The following SLC12A8 variants were observed in gnomAD, a reference collection of about 807,000 sequenced individuals.
SLC12A8 encodes cation-chloride cotransporter 9.
In SLC12A8, 69 loss-of-function variants were observed where a neutral mutation model predicts 75.6. The ratio of observed to expected loss-of-function variants is 0.91; its 90% CI spans 0.75 to 1.11. The LOEUF (loss-of-function observed/expected upper bound fraction) is 1.11, where lower values mean the gene tolerates loss of function less well. SLC12A8 is among the 50% of genes most tolerant of loss of function. The pLI, the probability that SLC12A8 is intolerant of heterozygous loss-of-function variation, is 0.00. For synonymous variants in SLC12A8, 365 were observed against 372.8 expected (o/e 0.98, Z 0.24); for missense variants, 877 against 896.7 (o/e 0.98, Z 0.28).
intron 5 of SLC12A8, among the ~76,000 whole-genome samples, chr3:125,155,621 A>ATTAGCCAGGTGTG (rs578023995): frequency 8.3e-6 from 1 of 120,710 alleles, no homozygotes; most frequent in South Asian, 3.1e-4. Context: ...AATACAAAAA[A>ATTAGCCAGGTGTG]GTAGCTGTAG....
At chr3:125,142,266 A>C (rs1933668551) in intron 5 of SLC12A8, among the ~76,000 whole-genome samples, 1 of 152,200 alleles carries the variant, frequency 6.6e-6, no homozygotes. Flanking sequence ...CCTCGCCCGG[A>C]CACTCACTCA....
In SLC12A8 at chr3:125,091,946, G is replaced by A. The variant is rs2981527; in HGVS notation, c.1803+155C>T. On this transcript the variant is annotated intron_variant, in intron 11 of 13. Transcript: ENST00000469902. ...ATAAGCAGTCATTAAATGTAATCTT[G>A]CCATATGTAGTCTCATCTAAATTCT... Among the ~76,000 whole-genome samples, 11,118 of 152,142 alleles carry A rather than the reference G, an allele frequency of 0.073. 542 individuals carry two copies. The highest frequency in any genetic ancestry group is 0.12 in the South Asian group (574 of 4,808).
intron 2 of SLC12A8, among the ~76,000 whole-genome samples, chr3:125,203,132 C>T (rs541558191): frequency 7.0e-6 from 1 of 142,688 alleles, no homozygotes; most frequent in Admixed American, 7.0e-5. Context: ...AGAAGAATTA[C>T]TATTGTTAAA....
At chr3:125,097,528 TTGTGTGTGTGTGTGTGTGTG>T (rs147038912) in intron 10 of SLC12A8, among the ~76,000 whole-genome samples, 50,551 of 139,414 alleles carry the variant, frequency 0.36, 9,399 homozygotes, top group Non-Finnish European at 0.43. Flanking sequence ...CTAAAGGGAA[TTGTGTGTGTGTGTGTGTGTG>T]TGTGTGTGTG....
intron 3 of SLC12A8, among the ~76,000 whole-genome samples, chr3:125,189,772 C>T (rs1215725249): frequency 6.6e-6 from 1 of 152,136 alleles, no homozygotes; most frequent in Non-Finnish European, 1.5e-5. Context: ...ACTGAGAACC[C>T]CTGCCCCAGG....
intron 6 of SLC12A8, among the ~76,000 whole-genome samples, chr3:125,128,243 G>T (rs1335730092): frequency 2.4e-5 from 3 of 126,948 alleles, no homozygotes; most frequent in East Asian, 4.8e-4. Context: ...TGCAGTGGCG[G>T]GATCTCGGCT....
chr3:125,091,269 G>T (rs1292192207), intron 12 of SLC12A8, among the ~76,000 whole-genome samples, 170 bp downstream of exon 12: 1 of 151,904 alleles, frequency 6.6e-6, no homozygotes, highest in African/African-American at 2.4e-5. Context: ...ATTTTTATTG[G>T]TAATCATTCA....
rs1265375686 is a variant in SLC12A8 at position 125,118,661 on chromosome 3, A to G, written c.912+108T>C. The stretch of plus-strand genomic sequence containing the variant: ...AAATTAATTAAATTTTAAAAAGACT[A>G]TATGGATTCCCAGACAGTACTGCAA... On this transcript the variant is annotated intron_variant, in intron 8 of 13. Transcript: ENST00000469902. 17 of 719,860 alleles carry G rather than the reference A, an allele frequency of 2.4e-5. No individual in the cohort carries two copies. In the Admixed American group the frequency reaches 3.5e-4, roughly 15 times the overall value. The allele number at this position is 719,860 out of a possible 1,614,324, so 44.6% of individuals were successfully genotyped here.
At position 125,088,297 on chromosome 3, in the gene SLC12A8, A is replaced by C. The variant is rs373777993; in HGVS notation, c.1982+13T>G. 3.1e-6 allele frequency: 5 copies of C among 1,613,864 alleles called. No homozygotes were observed. In the African/African-American group the frequency reaches 6.7e-5, roughly 22 times the overall value. ...CTCATCCATTCTGGTACTGGCTCCAAATTGGCACAGACCTGCAGGAGGGGA... is the reference window on the plus strand; with the variant it reads ...CTCATCCATTCTGGTACTGGCTCCACATTGGCACAGACCTGCAGGAGGGGA... On this transcript the variant is annotated intron_variant, in intron 13 of 13. Transcript: ENST00000469902.
At chr3:125,129,053 T>C (rs1374804479) in intron 6 of SLC12A8, among the ~76,000 whole-genome samples, 1 of 152,170 alleles carries the variant, frequency 6.6e-6, no homozygotes, top group African/African-American at 2.4e-5. Flanking sequence ...CTGTGGACAT[T>C]TCAGTAAAGG....
chr3:125,086,973 CAG>C (rs1405553599), intron 13 of SLC12A8, among the ~76,000 whole-genome samples: 7 of 152,142 alleles, frequency 4.6e-5, no homozygotes, highest in African/African-American at 1.7e-4. Context: ...CTTGGGAATG[CAG>C]AGTGTTTAAT....
intron 2 of SLC12A8, among the ~76,000 whole-genome samples, chr3:125,192,294 A>G (rs1449775898): frequency 1.3e-5 from 2 of 152,022 alleles, no homozygotes; most frequent in Non-Finnish European, 2.9e-5. Context: ...GGCTGAGGAG[A>G]TGGAGGCTGA....
At chr3:125,177,720 A>G in intron 5 of SLC12A8, 23 bp downstream of exon 5, 1 of 1,588,684 alleles carries the variant, frequency 6.3e-7, no homozygotes, top group Non-Finnish European at 8.6e-7. Flanking sequence ...ATAAGGCCAC[A>G]TACTGGACTC....
chr3:125,156,982 T>A (rs1195167995), intron 5 of SLC12A8, among the ~76,000 whole-genome samples: 2 of 152,242 alleles, frequency 1.3e-5, no homozygotes, highest in Non-Finnish European at 2.9e-5. Context: ...TTGCTTGCTT[T>A]TCTAACTAGA....
chr3:125,103,327 C>A (rs1938932936), intron 10 of SLC12A8, among the ~76,000 whole-genome samples: 2 of 152,078 alleles, frequency 1.3e-5, no homozygotes, highest in Admixed American at 1.3e-4. Flanking sequence ...AGAAAAACCT[C>A]TAGATATTCA....
intron 5 of SLC12A8, among the ~76,000 whole-genome samples, chr3:125,158,219 CCTTTTTTTTTTT>C (rs971747284): frequency 1.3e-4 from 20 of 151,806 alleles, no homozygotes; most frequent in Non-Finnish European, 1.0e-4. Context: ...ATTAGCTTTT[CCTTTTTTTTTTT>C]CTTTTTTGAG....
At chr3:125,094,957 A>G (rs2107734126) in intron 10 of SLC12A8, among the ~76,000 whole-genome samples, 1 of 151,956 alleles carries the variant, frequency 6.6e-6, no homozygotes, top group South Asian at 2.1e-4. Flanking sequence ...AAGATGCCTC[A>G]CTCTCTTGAT....
intron 4 of SLC12A8, among the ~76,000 whole-genome samples, chr3:125,184,308 C>G (rs9859758): frequency 0.071 from 10,822 of 152,262 alleles, 613 homozygotes; most frequent in East Asian, 0.26. Flanking sequence ...GTGTTAATAT[C>G]TCCTCAGTTT....
intron 3 of SLC12A8, 81 bp downstream of exon 3, chr3:125,190,294 C>G: frequency 6.7e-7 from 1 of 1,482,950 alleles, no homozygotes; most frequent in East Asian, 2.3e-5. Context: ...AATCTGTGGC[C>G]TGCACTGTAG....
Sources: gnomAD v4.1 joint callset for allele counts (sites outside exome capture counted in the v4.1 genomes callset) on GRCh38, gnomAD v4.1.1 for gene constraint, MANE v1.5 for transcripts, NCBI Gene and HGNC (gene_info 2026-07-23, HGNC 2026-07-21) for gene names.